SIRPG: variants seen among roughly 807,000 people sequenced by gnomAD.
SIRPG encodes the protein signal regulatory protein gamma, also known as signal-regulatory protein gamma.
Under a neutral mutation model 35.7 loss-of-function variants are expected in SIRPG, and 38 were observed. The ratio of observed to expected loss-of-function variants is 1.06; its 90% CI spans 0.82 to 1.40. The LOEUF is 1.40. SIRPG is among the 40% of genes most tolerant of loss of function. SIRPG has a pLI of 0.00. For missense variants in SIRPG, 519 were observed against 483.0 expected, an observed-to-expected ratio of 1.07 and a Z score of -0.70; for synonymous variants, 215 against 190.4, an observed-to-expected ratio of 1.13 and a Z score of -1.06.
chr20:1,679,453 G>A, the SIRPG span, among the ~76,000 whole-genome samples: 34,820 of 151,698 alleles, frequency 0.23, 4,729 homozygotes, highest in East Asian at 0.59. Context: ...ACATACCAGT[G>A]AATCCATCAT....
chr20:1,630,190 C>G, intron 5 of SIRPG, 32 bp downstream of exon 5: 3 of 1,494,030 alleles, frequency 2.0e-6, no homozygotes, highest in Non-Finnish European at 2.7e-6. Context: ...TCTGAGACAG[C>G]CCTTGGTCTG....
chr20:1,634,373 A>AT (rs374752209), intron 4 of SIRPG, among the ~76,000 whole-genome samples: 2,025 of 151,632 alleles, frequency 0.013, 50 homozygotes, highest in African/African-American at 0.044. Context: ...CGCCCGGCTC[A>AT]TTTTTTTGTA....
At chr20:1,650,659 A>G (rs963091219) in intron 1 of SIRPG, among the ~76,000 whole-genome samples, 1 of 152,208 alleles carries the variant, frequency 6.6e-6, no homozygotes, top group Non-Finnish European at 1.5e-5. Context: ...GGGAAAAAAA[A>G]GAGGAAGAGA....
chr20:1,653,597 C>T (rs1416733389), intron 1 of SIRPG, among the ~76,000 whole-genome samples: 1 of 152,168 alleles, frequency 6.6e-6, no homozygotes, highest in Non-Finnish European at 1.5e-5. Flanking sequence ...GAGGGAATTT[C>T]AGGATAAAAA....
intron 1 of SIRPG, among the ~76,000 whole-genome samples, chr20:1,654,694 A>G (rs2091964330): frequency 6.6e-6 from 1 of 152,252 alleles, no homozygotes; most frequent in African/African-American, 2.4e-5. Flanking sequence ...CATTAACAAC[A>G]AACTAAAAAA....
chr20:1,630,298 A>T lies in SIRPG; in HGVS notation c.1090T>A (p.Ser364Thr), dbSNP rs1399764109. Residue 364 changes from serine to threonine, a missense_variant, in exon 5 of 6, where the codon TCA (serine) becomes ACA (threonine). By Grantham distance (58) the Ser-to-Thr change is moderately conservative (BLOSUM62 1). Transcript: ENST00000303415. ...ATGAGGAGCAGCGCAGTAAGGGATG[A>T]TGCCGGGCCTGGAAATCAGGGAAGA... Reference protein sequence around the residue: ...QSSDATPGPASSLTALLLIAV... With the variant: ...QSSDATPGPATSLTALLLIAV... The T allele has an allele frequency of 3.2e-6, 5 of 1,561,198 alleles. No homozygotes were observed. Among genetic ancestry groups the T allele is most frequent in the Non-Finnish European group, 4.3e-6 (5 of 1,152,366 alleles).
chr20:1,634,517 C>G (rs949283105), intron 4 of SIRPG, among the ~76,000 whole-genome samples: 1 of 151,934 alleles, frequency 6.6e-6, no homozygotes, highest in Admixed American at 6.6e-5. Context: ...CAGTTTTAAA[C>G]TACATTTGTC....
the SIRPG span, among the ~76,000 whole-genome samples, chr20:1,679,670 A>G: frequency 2.0e-4 from 30 of 152,272 alleles, no homozygotes; most frequent in African/African-American, 7.2e-4. Flanking sequence ...AAATTTTCAC[A>G]GTCATGTTAG....
chr20:1,670,632 TGCTAGCTATCTAGCAAGCTA>T, the SIRPG span, among the ~76,000 whole-genome samples: 1 of 152,178 alleles, frequency 6.6e-6, no homozygotes, highest in Non-Finnish European at 1.5e-5. Flanking sequence ...GCATAGAGCT[TGCTAGCTATCTAGCAAGCTA>T]GCAAGCTATC....
the SIRPG span, among the ~76,000 whole-genome samples, chr20:1,664,084 G>A: frequency 6.6e-6 from 1 of 152,198 alleles, no homozygotes; most frequent in Non-Finnish European, 1.5e-5. Flanking sequence ...AGAGAGAAGA[G>A]GGAGGTGCTA....
the SIRPG span, among the ~76,000 whole-genome samples, chr20:1,679,944 C>A: frequency 6.6e-6 from 1 of 152,272 alleles, no homozygotes; most frequent in African/African-American, 2.4e-5. Flanking sequence ...AAGTGGGGAT[C>A]ATGTCTCAAT....
rs919189429 is a variant in SIRPG, at chr20:1,657,732, C to T, written c.-18G>A. The stretch of plus-strand genomic sequence containing the variant: ...ACAGGCATTTTGGAGACCTCAGAAG[C>T]CTGCTCTGTTCAAACGTCTGTTCTG... On this transcript the variant is annotated 5_prime_UTR_variant, in exon 1 of 6. Transcript: ENST00000303415. 7.4e-6 allele frequency: 12 copies of T among 1,612,542 alleles called. No individual in the cohort carries two copies. Among genetic ancestry groups the T allele is most frequent in the African/African-American group, 2.7e-5 (2 of 74,902 alleles).
intron 1 of SIRPG, among the ~76,000 whole-genome samples, chr20:1,650,921 A>T (rs950455550): frequency 1.3e-5 from 2 of 152,232 alleles, no homozygotes; most frequent in Non-Finnish European, 2.9e-5. Context: ...TGAGCTCTTT[A>T]TATAAAGTAT....
the SIRPG span, among the ~76,000 whole-genome samples, chr20:1,672,289 A>C: frequency 6.6e-6 from 1 of 152,246 alleles, no homozygotes; most frequent in Non-Finnish European, 1.5e-5. Context: ...ATACACCGAG[A>C]TCTCTCTGAG....
upstream of SIRPG, among the ~76,000 whole-genome samples, chr20:1,660,369 A>G (rs1357318084): frequency 6.6e-6 from 1 of 152,166 alleles, no homozygotes; most frequent in Non-Finnish European, 1.5e-5. Context: ...GATAGGTAAA[A>G]ATATACCACA....
intron 2 of SIRPG, chr20:1,638,398 C>T (rs935324873): frequency 6.6e-6 from 1 of 152,172 alleles, no homozygotes; most frequent in Non-Finnish European, 1.5e-5. Context: ...AATCTACACA[C>T]TTATTCTTTA....
At chr20:1,630,602 A>C (rs1568721370) in intron 4 of SIRPG, 1 of 329,384 alleles carries the variant, frequency 3.0e-6, no homozygotes, top group South Asian at 3.4e-5. Context: ...GACCCTCACA[A>C]GCCTATGGGA....
chr20:1,645,986 T>C (rs2091894564), intron 2 of SIRPG: 1 of 152,196 alleles, frequency 6.6e-6, no homozygotes, highest in Non-Finnish European at 1.5e-5. Flanking sequence ...GCTTAGAATG[T>C]GCTAGGTGAT....
chr20:1,641,358 A>C (rs2091850726), intron 2 of SIRPG, among the ~76,000 whole-genome samples: 1 of 152,118 alleles, frequency 6.6e-6, no homozygotes, highest in African/African-American at 2.4e-5. Flanking sequence ...GTGTACAGGA[A>C]TTTATCCATT....
Sources: allele counts gnomAD v4.1 joint callset (sites outside exome capture counted in the v4.1 genomes callset), GRCh38; gene constraint gnomAD v4.1.1; transcripts MANE v1.5; gene names NCBI Gene and HGNC (gene_info 2026-07-23, HGNC 2026-07-21).